The following CPNE4 variants were observed in gnomAD, a reference collection of about 807,000 sequenced individuals.
CPNE4 encodes the protein copine 4.
In CPNE4, 25 loss-of-function variants were observed where a neutral mutation model predicts 67.9. The ratio of observed to expected loss-of-function variants is 0.37; its 90% confidence interval spans 0.27 to 0.51. The LOEUF is 0.51. Ranked by LOEUF, CPNE4 falls within the 20% of genes least tolerant of loss-of-function variation. The pLI is 0.93. For synonymous variants in CPNE4, 242 were observed against 244.9 expected (o/e 0.99, Z 0.11); for missense variants, 464 against 690.8 (o/e 0.67, Z 3.68).
At chr3:131,796,372 C>T (rs573120432) in intron 2 of CPNE4, among the ~76,000 whole-genome samples, 1 of 152,108 alleles carries the variant, frequency 6.6e-6, no homozygotes, top group East Asian at 1.9e-4. Flanking sequence ...TGGATGAAGT[C>T]GGGTGTCTCA....
intron 7 of CPNE4, among the ~76,000 whole-genome samples, chr3:131,630,101 T>C (rs940810240): frequency 6.6e-6 from 1 of 152,196 alleles, no homozygotes; most frequent in African/African-American, 2.4e-5. Flanking sequence ...GTTTGTAAGT[T>C]TTAAATTGCA....
chr3:131,952,468 AGGTGGGGGGGTC>A (rs2071776414), intron 1 of CPNE4, among the ~76,000 whole-genome samples: 1 of 93,066 alleles, frequency 1.1e-5, no homozygotes, highest in Non-Finnish European at 2.9e-5. Flanking sequence ...TCCGGGAGGG[AGGTGGGGGGGTC>A]AGCGCCCCGC....
At chr3:131,953,610 A>G (rs2071846789) in intron 1 of CPNE4, among the ~76,000 whole-genome samples, 1 of 152,208 alleles carries the variant, frequency 6.6e-6, no homozygotes, top group Non-Finnish European at 1.5e-5. Context: ...AGAAACATGG[A>G]TAGAAGTGAA....
At chr3:131,918,791 G>A (rs2070653011) in intron 1 of CPNE4, among the ~76,000 whole-genome samples, 3 of 152,118 alleles carry the variant, frequency 2.0e-5, no homozygotes, top group African/African-American at 7.2e-5. Context: ...AGGAGATATG[G>A]TGTATAATAT....
intron 11 of CPNE4, among the ~76,000 whole-genome samples, chr3:131,561,431 GA>G (rs1233619952): frequency 6.6e-6 from 1 of 151,914 alleles, no homozygotes; most frequent in Non-Finnish European, 1.5e-5. Flanking sequence ...AAAGGCAGAG[GA>G]AATGAGCAGC....
At chr3:131,591,232 G>A (rs954246962) in intron 7 of CPNE4, among the ~76,000 whole-genome samples, 5 of 152,158 alleles carry the variant, frequency 3.3e-5, no homozygotes, top group African/African-American at 1.2e-4. Context: ...CTGATAGTAA[G>A]TACAGCTCAC....
intron 3 of CPNE4, among the ~76,000 whole-genome samples, chr3:131,701,267 T>A (rs1176527342): frequency 6.6e-6 from 1 of 151,994 alleles, no homozygotes; most frequent in Non-Finnish European, 1.5e-5. Context: ...AGAACCAAGT[T>A]GAAGCTACAC....
In CPNE4 at chr3:131,596,439, G is replaced by C. The variant is rs1212848411; in HGVS notation, c.682-8857C>G. ...AGATCGAGACCATCCCGGCTAAAAC[G>C]GTGAAACCCCGTCTCTACTAAAAAT... On this transcript the variant is annotated intron_variant, in intron 7 of 15. Coordinates refer to ENST00000429747, the MANE Select transcript of CPNE4 (RefSeq NM_130808.3). Among the ~76,000 whole-genome samples, 2 of 120,602 alleles carry C rather than the reference G, an allele frequency of 1.7e-5. 1 individual carries two copies. Among genetic ancestry groups the C allele is most frequent in the Non-Finnish European group, 3.4e-5 (2 of 59,098 alleles). The allele number at this position is 120,602 out of a possible 152,430, so 79.1% of individuals were successfully genotyped here. A position where few individuals can be genotyped will look rare whatever the true frequency, so the allele number is the denominator to read the frequency against.
chr3:131,614,895 G>A (rs1359782148), intron 7 of CPNE4, among the ~76,000 whole-genome samples: 3 of 152,090 alleles, frequency 2.0e-5, no homozygotes, highest in Admixed American at 6.5e-5. Flanking sequence ...TAATACTCTT[G>A]TTCTTAGCCA....
At chr3:131,745,150 T>C (rs1434551946) in intron 2 of CPNE4, among the ~76,000 whole-genome samples, 1 of 152,176 alleles carries the variant, frequency 6.6e-6, no homozygotes, top group Non-Finnish European at 1.5e-5. Flanking sequence ...TAGTATCTCG[T>C]TGTTGTTTTA....
chr3:131,693,839 T>C (rs1002413957), intron 5 of CPNE4, among the ~76,000 whole-genome samples: 5 of 152,158 alleles, frequency 3.3e-5, no homozygotes, highest in African/African-American at 9.7e-5. Flanking sequence ...CCACCTTCTA[T>C]TCATTAACTC....
At chr3:131,596,483 G>A (rs1214130836) in intron 7 of CPNE4, among the ~76,000 whole-genome samples, 6 of 136,144 alleles carry the variant, frequency 4.4e-5, no homozygotes, top group Middle Eastern at 6.6e-3. Context: ...TTAGCCGGGC[G>A]TAGTGGCGGG....
chr3:131,535,407 C>T (rs1352866960), intron 15 of CPNE4, 78 bp from the exon 16 acceptor site: 2 of 1,412,014 alleles, frequency 1.4e-6, no homozygotes, highest in African/African-American at 2.9e-5. Context: ...TTGAGTCCTG[C>T]TCTGGGCAGC....
chr3:131,723,325 A>T (rs1489793905), intron 3 of CPNE4, 121 bp downstream of exon 3: 2 of 858,264 alleles, frequency 2.3e-6, no homozygotes, highest in Non-Finnish European at 3.7e-6. Context: ...AAAATGCTGC[A>T]TGTTAAAGAA....
intron 2 of CPNE4, among the ~76,000 whole-genome samples, chr3:131,865,019 G>A (rs1372331706): frequency 6.6e-6 from 1 of 152,124 alleles, no homozygotes; most frequent in Non-Finnish European, 1.5e-5. Flanking sequence ...ATTGATTTGT[G>A]TATGTTGAAC....
intron 6 of CPNE4, among the ~76,000 whole-genome samples, chr3:131,672,702 G>C (rs373867393): frequency 1.3e-5 from 2 of 151,872 alleles, no homozygotes; most frequent in African/African-American, 2.4e-5. Context: ...TTTTCTCATA[G>C]AGTTGTTTGA....
intron 1 of CPNE4, among the ~76,000 whole-genome samples, chr3:131,987,311 G>A (rs1245409035): frequency 6.6e-6 from 1 of 152,166 alleles, no homozygotes; most frequent in Non-Finnish European, 1.5e-5. Flanking sequence ...TACATTTGAT[G>A]TGGGAAAAGG....
chr3:131,887,031 T>C (rs964719361), intron 2 of CPNE4, among the ~76,000 whole-genome samples: 6 of 152,132 alleles, frequency 3.9e-5, no homozygotes, highest in African/African-American at 1.2e-4. Context: ...GACATGAGAT[T>C]TGGCAGGGGC....
intron 2 of CPNE4, among the ~76,000 whole-genome samples, chr3:131,833,100 A>G (rs995303586): frequency 1.3e-5 from 2 of 152,188 alleles, no homozygotes; most frequent in African/African-American, 4.8e-5. Flanking sequence ...AGTGCTGTCT[A>G]TGAATCAGGA....
Sources: gnomAD v4.1 joint callset for allele counts (sites outside exome capture counted in the v4.1 genomes callset) on GRCh38, gnomAD v4.1.1 for gene constraint, MANE v1.5 for transcripts, NCBI Gene and HGNC (gene_info 2026-07-23, HGNC 2026-07-21) for gene names.